TTI1: variants seen among roughly 807,000 people sequenced by gnomAD.
The protein encoded by TTI1 is TELO2-interacting protein 1 homolog.
Under a neutral mutation model 85.4 loss-of-function variants are expected in TTI1, and 52 were observed. The ratio of observed to expected loss-of-function variants is 0.61; its 90% confidence interval spans 0.49 to 0.77. TTI1 has a LOEUF of 0.77. Among genes scored for constraint, TTI1 ranks in the 30% least tolerant of loss-of-function variants. TTI1 has a pLI of 0.00. For synonymous variants in TTI1, 512 were observed against 503.9 expected (o/e 1.02, Z -0.22); for missense variants, 1,173 against 1,296.0 (o/e 0.91, Z 1.46).
At chr20:37,988,419 C>T (rs569650052) in intron 7 of TTI1, among the ~76,000 whole-genome samples, 47 of 152,330 alleles carry the variant, frequency 3.1e-4, no homozygotes, top group South Asian at 2.1e-3. Flanking sequence ...TATGTTCTCA[C>T]CATCTCTGTC....
intron 1 of TTI1, among the ~76,000 whole-genome samples, chr20:38,023,383 TG>T (rs1382381488): frequency 2.6e-5 from 4 of 152,150 alleles, no homozygotes; most frequent in African/African-American, 9.7e-5. Context: ...ATCAATGTGG[TG>T]GGGGAGCAGA....
intron 3 of TTI1, among the ~76,000 whole-genome samples, chr20:38,003,029 C>T (rs1050087749): frequency 1.3e-5 from 2 of 152,172 alleles, no homozygotes; most frequent in Non-Finnish European, 2.9e-5. Context: ...GGTGTGAACA[C>T]GGCTCACTGC....
chr20:37,997,993 G>A (rs1187432197), intron 5 of TTI1, among the ~76,000 whole-genome samples: 7 of 152,062 alleles, frequency 4.6e-5, no homozygotes, highest in East Asian at 3.9e-4. Flanking sequence ...GCAGTGGCAC[G>A]ATCTTGGCTC....
At chr20:37,996,000 A>C (rs1178046481) in intron 7 of TTI1, among the ~76,000 whole-genome samples, 3 of 152,188 alleles carry the variant, frequency 2.0e-5, no homozygotes, top group Non-Finnish European at 4.4e-5. Flanking sequence ...GACATATGCC[A>C]TATCAGGAAC....
At chr20:37,985,028 G>A (rs1052412145) in intron 7 of TTI1, among the ~76,000 whole-genome samples, 1 of 152,256 alleles carries the variant, frequency 6.6e-6, no homozygotes, top group East Asian at 1.9e-4. Context: ...TCTGAAGGAG[G>A]GGTTAAACTC....
rs370007131 is a variant in TTI1 at position 38,012,623 on chromosome 20, G to A, written c.1194C>T (p.Phe398=). 6.2e-7 allele frequency: 1 copy of A among 1,614,210 alleles called. No individual in the cohort carries two copies. The highest frequency in any genetic ancestry group is 2.2e-5 in the East Asian group (1 of 44,880). The part of the protein sequence containing the change: ...LMNSQDDQGK[F]STLSLLLGYL... ...AACCAAGTAACAAGGAAAGAGTAGA[G>A]AATTTGCCCTGGTCATCTTGGGAGT... Residue 398 remains phenylalanine, a synonymous_variant, in exon 2 of 8, where the codon TTC becomes TTT. Coordinates refer to ENST00000373447, the MANE Select transcript of TTI1 (RefSeq NM_001303457.2).
intron 7 of TTI1, among the ~76,000 whole-genome samples, chr20:37,988,194 G>C (rs955361047): frequency 6.6e-6 from 1 of 152,180 alleles, no homozygotes; most frequent in African/African-American, 2.4e-5. Flanking sequence ...AGTGATGTGC[G>C]GGTGGCACCA....
chr20:37,995,740 C>G (rs940559793), intron 7 of TTI1, among the ~76,000 whole-genome samples: 1 of 152,232 alleles, frequency 6.6e-6, no homozygotes, highest in South Asian at 2.1e-4. Context: ...AGAGGTGATA[C>G]AGCTTTTCTC....
At chr20:38,021,249 T>C (rs1225047409) in intron 1 of TTI1, among the ~76,000 whole-genome samples, 4 of 151,930 alleles carry the variant, frequency 2.6e-5, no homozygotes, top group South Asian at 4.1e-4. Context: ...GCATAACACA[T>C]TGCTACTTTG....
At chr20:38,003,939 T>G (rs1305721050) in intron 3 of TTI1, among the ~76,000 whole-genome samples, 2 of 152,114 alleles carry the variant, frequency 1.3e-5, no homozygotes, top group Non-Finnish European at 2.9e-5. Context: ...ATGGCCAGAA[T>G]CAAACCTTAC....
Position 37,999,214 on chromosome 20 carries a change from G to T in TTI1, c.2767C>A (p.Pro923Thr). Residue 923 changes from proline to threonine, a missense_variant, in exon 5 of 8, where the codon CCC becomes ACC. Physicochemically the swap from Pro to Thr is conservative, Grantham distance 38. Coordinates refer to ENST00000373447, the MANE Select transcript of TTI1 (RefSeq NM_001303457.2). ...SLVHRLTRDA[P>T]LAVLRAFKVL... ...TTGAAGGCTCTAAGCACTGCCAGGG[G>T]GGCGTCCCGTGTGAGTCGGTGAACG... is the stretch of plus-strand genomic sequence containing the variant. The T allele has an allele frequency of 6.7e-7, 1 of 1,500,612 alleles. No homozygotes were observed. Among genetic ancestry groups the T allele is most frequent in the Non-Finnish European group, 8.9e-7 (1 of 1,122,728 alleles). 93.0% of individuals were successfully genotyped at this position (1,500,612 alleles called of 1,614,324 possible).
intron 3 of TTI1, among the ~76,000 whole-genome samples, chr20:38,005,240 C>T (rs991322157): frequency 2.6e-5 from 4 of 152,130 alleles, no homozygotes; most frequent in African/African-American, 9.7e-5. Flanking sequence ...GGACTCGGTT[C>T]GATTTAGGAT....
chr20:38,007,810 C>T lies in TTI1; in HGVS notation c.2303-1413G>A, dbSNP rs150897847. ...GAGAGCAAATGTGTGAGGTGTGAGCCGGAGGTTCCTACACCCAGGGATCCA... is the reference window on the plus strand; with the variant it reads ...GAGAGCAAATGTGTGAGGTGTGAGCTGGAGGTTCCTACACCCAGGGATCCA... On this transcript the variant is annotated intron_variant, in intron 2 of 7. Coordinates refer to ENST00000373447, the MANE Select transcript of TTI1 (RefSeq NM_001303457.2). Among the ~76,000 whole-genome samples, 440 of 152,308 alleles carry T rather than the reference C, an allele frequency of 2.9e-3. 3 individuals carry two copies. The highest frequency in any genetic ancestry group is 7.2e-3 in the African/African-American group (300 of 41,572).
rs768559757 is a variant in TTI1 at position 38,002,700 on chromosome 20, G to T, written c.2580C>A (p.Ile860=). The T allele has an allele frequency of 1.2e-6, 2 of 1,614,214 alleles. No individual in the cohort carries two copies. The highest frequency in any genetic ancestry group is 1.7e-5 in the Admixed American group (1 of 60,028). The change falls in exon 4 of 8, where the codon ATC becomes ATA. Residue 860 remains isoleucine (I), a synonymous_variant. Coordinates refer to ENST00000373447, the MANE Select transcript of TTI1 (RefSeq NM_001303457.2). ...GTTCCATCACGTCCATGGCTATTTG[G>T]ATCTGCAATGGCAGTGGTGGCTCCA... ...PDVEPPLPLQ[I]QIAMDVMERC...
intron 5 of TTI1, among the ~76,000 whole-genome samples, chr20:37,998,579 GGA>G: frequency 6.6e-6 from 1 of 152,216 alleles, no homozygotes; most frequent in South Asian, 2.1e-4. Context: ...ACTAAGCCAG[GGA>G]GAATAATACC....
At chr20:37,999,552 T>C (rs1203569730) in intron 4 of TTI1, among the ~76,000 whole-genome samples, 2 of 152,212 alleles carry the variant, frequency 1.3e-5, no homozygotes, top group Admixed American at 6.5e-5. Context: ...GGAAAGACCT[T>C]AATTAGATAA....
chr20:38,011,990 G>A lies in TTI1; in HGVS notation c.1827C>T (p.Ala609=), dbSNP rs2073599916. Residue 609 remains alanine, a synonymous_variant, in exon 2 of 8, where the codon GCC becomes GCT. Transcript: ENST00000373447. The stretch of plus-strand genomic sequence containing the variant: ...AAATAGTGGGACTTGGCTTTGAGAA[G>A]GCTAGAAAAGATGTAACTTGGCAGG... The part of the protein sequence containing the change: ...EHTCQVTSFL[A]FSKPSPTICS... 4 of 1,614,228 alleles carry A rather than the reference G, an allele frequency of 2.5e-6. No individual in the cohort carries two copies. The highest frequency in any genetic ancestry group is 3.4e-6 in the Non-Finnish European group (4 of 1,180,050).
At chr20:38,028,031 G>T (rs562228694) in intron 1 of TTI1, among the ~76,000 whole-genome samples, 1 of 152,314 alleles carries the variant, frequency 6.6e-6, no homozygotes, top group African/African-American at 2.4e-5. Flanking sequence ...AGTAGGCTGA[G>T]GAGGAGGTGG....
intron 7 of TTI1, among the ~76,000 whole-genome samples, chr20:37,991,604 A>C (rs180839919): frequency 2.0e-5 from 3 of 152,372 alleles, no homozygotes; most frequent in Admixed American, 2.0e-4. Flanking sequence ...CATGAAAAAG[A>C]TCCTTTTGAG....
Sources: gnomAD v4.1 joint callset for allele counts (sites outside exome capture counted in the v4.1 genomes callset) on GRCh38, gnomAD v4.1.1 for gene constraint, MANE v1.5 for transcripts, NCBI Gene and HGNC (gene_info 2026-07-23, HGNC 2026-07-21) for gene names.